The following QTGAL variants were observed in gnomAD, a reference collection of about 807,000 sequenced individuals.
QTGAL encodes queuosine-tRNA galactosyltransferase.
chr17:83,012,398 A>C, the QTGAL span, among the ~76,000 whole-genome samples: 2 of 152,264 alleles, frequency 1.3e-5, no homozygotes, highest in Non-Finnish European at 2.9e-5. Context: ...AAAACATCTG[A>C]AAGTATCTCC....
the QTGAL span, chr17:82,947,544 G>A: frequency 6.6e-6 from 1 of 152,654 alleles, no homozygotes. Context: ...CCTGTATGAG[G>A]CCACAGCAGG....
chr17:82,978,158 G>A, the QTGAL span, among the ~76,000 whole-genome samples: 3 of 152,114 alleles, frequency 2.0e-5, no homozygotes, highest in Non-Finnish European at 4.4e-5. This position sits in a 1 kb window ranked among gnomAD's most constrained non-coding sequence, Gnocchi z 4.8. Flanking sequence ...AGCCACGCGT[G>A]GCCTTTCCTT....
At chr17:82,974,042 T>G in the QTGAL span, among the ~76,000 whole-genome samples, 1 of 152,134 alleles carries the variant, frequency 6.6e-6, no homozygotes, top group African/African-American at 2.4e-5. Context: ...GGACCAGCAC[T>G]CCACGCTCCA....
At chr17:83,042,005 A>C in the QTGAL span, among the ~76,000 whole-genome samples, 1 of 152,206 alleles carries the variant, frequency 6.6e-6, no homozygotes, top group Non-Finnish European at 1.5e-5. Context: ...GATAAAGTTT[A>C]CTATTCAGGT....
the QTGAL span, among the ~76,000 whole-genome samples, chr17:83,029,892 C>T: frequency 3.9e-5 from 6 of 152,294 alleles, no homozygotes; most frequent in South Asian, 2.1e-4. Context: ...CTTGCTGACG[C>T]GCCCGTTGCT....
chr17:82,982,786 C>T, the QTGAL span, among the ~76,000 whole-genome samples: 1 of 152,286 alleles, frequency 6.6e-6, no homozygotes, highest in Non-Finnish European at 1.5e-5. Context: ...TCCTGATTGT[C>T]GTGTTGATCT....
At chr17:82,985,223 T>C in the QTGAL span, among the ~76,000 whole-genome samples, 1 of 152,226 alleles carries the variant, frequency 6.6e-6, no homozygotes, top group Admixed American at 6.5e-5. Context: ...GTGGTGACTA[T>C]CCCATCAGGC....
the QTGAL span, among the ~76,000 whole-genome samples, chr17:83,022,116 G>A: frequency 1.3e-5 from 2 of 152,224 alleles, no homozygotes; most frequent in Admixed American, 6.5e-5. Context: ...AGAAAACTTT[G>A]GGGCAGACAA....
chr17:83,005,186 C>G, the QTGAL span: 3 of 1,609,374 alleles, frequency 1.9e-6, no homozygotes, highest in Non-Finnish European at 2.5e-6. This position sits in a 1 kb window ranked among gnomAD's most constrained non-coding sequence, Gnocchi z 5.6. Flanking sequence ...TTAGGGGGAT[C>G]TCTCCTCACT....
At chr17:83,048,835 T>C in the QTGAL span, 1 of 1,505,642 alleles carries the variant, frequency 6.6e-7, no homozygotes, top group South Asian at 1.1e-5. Context: ...CTTAGTTCCC[T>C]TTCCATGGCT....
chr17:83,005,611 G>C, the QTGAL span: 1 of 702,728 alleles, frequency 1.4e-6, no homozygotes. The surrounding 1 kb of genome is among the most constrained non-coding windows in gnomAD (Gnocchi z 5.6). Context: ...TGAGGAAACC[G>C]CTGCCTGTCC....
At chr17:82,992,305 A>G in the QTGAL span, among the ~76,000 whole-genome samples, 3 of 152,232 alleles carry the variant, frequency 2.0e-5, no homozygotes, top group South Asian at 4.1e-4. Flanking sequence ...ACAAGCAGCA[A>G]GAGAAAAGAA....
chr17:82,966,602 A>T, the QTGAL span, among the ~76,000 whole-genome samples: 1 of 152,170 alleles, frequency 6.6e-6, no homozygotes, highest in African/African-American at 2.4e-5. Context: ...TCAGTGGTGG[A>T]AATGAGAGAT....
chr17:83,014,569 A>G, the QTGAL span: 1 of 1,598,474 alleles, frequency 6.3e-7, no homozygotes, highest in Non-Finnish European at 8.6e-7. Flanking sequence ...TGATTGATGC[A>G]TAGACTAATA....
chr17:83,018,698 C>CA, the QTGAL span, among the ~76,000 whole-genome samples: 1 of 152,232 alleles, frequency 6.6e-6, no homozygotes, highest in Non-Finnish European at 1.5e-5. Context: ...AGAAAGGTCG[C>CA]AATGGGCCGG....
chr17:83,028,132 C>T, the QTGAL span, among the ~76,000 whole-genome samples: 1 of 151,870 alleles, frequency 6.6e-6, no homozygotes, highest in East Asian at 2.0e-4. Flanking sequence ...CCTGCACGCT[C>T]CCGGCTCTGG....
the QTGAL span, among the ~76,000 whole-genome samples, chr17:83,019,050 C>T: frequency 1.3e-5 from 2 of 152,214 alleles, no homozygotes; most frequent in African/African-American, 2.4e-5. Context: ...AGGAACACTG[C>T]CACCAGGAGA....
the QTGAL span, chr17:83,051,656 G>T: frequency 7.7e-7 from 1 of 1,293,470 alleles, no homozygotes; most frequent in Non-Finnish European, 1.0e-6. Flanking sequence ...GAACCCCGGA[G>T]CGAGAGAGGA....
At chr17:83,022,264 T>C in the QTGAL span, among the ~76,000 whole-genome samples, 1 of 148,990 alleles carries the variant, frequency 6.7e-6, no homozygotes, top group African/African-American at 2.4e-5. Flanking sequence ...TGAACTCACA[T>C]GAGCTTAGCA....
Sources: gnomAD v4.1 joint callset for allele counts (sites outside exome capture counted in the v4.1 genomes callset) on GRCh38, gnomAD v4.1.1 for gene constraint, Gnocchi (gnomAD v3.1) non-coding constraint, MANE v1.5 for transcripts, NCBI Gene and HGNC (gene_info 2026-07-23, HGNC 2026-07-21) for gene names.